Variants in CLMP observed in about 807,000 individuals in gnomAD.
The protein encoded by CLMP is CXADR-like membrane protein.
CLMP carries 27 observed loss-of-function variants against 45.2 expected under a neutral mutation model. The observed-to-expected ratio is 0.60, with a 90% CI of 0.44 to 0.82. The LOEUF (loss-of-function observed/expected upper bound fraction) is 0.82. Ranked by LOEUF, CLMP falls within the 40% of genes least tolerant of loss-of-function variation. CLMP has a pLI of 0.00. For synonymous variants in CLMP, 167 were observed against 171.4 expected, an observed-to-expected ratio of 0.97 and a Z score of 0.20; for missense variants, 403 against 448.4, an observed-to-expected ratio of 0.90 and a Z score of 0.91.
At chr11:123,092,928 G>A (rs1181636230) in intron 2 of CLMP, among the ~76,000 whole-genome samples, 2 of 131,028 alleles carry the variant, frequency 1.5e-5, no homozygotes, top group African/African-American at 3.0e-5. Flanking sequence ...TTTTTTTTGA[G>A]ATGTTGTCTC....
intron 1 of CLMP, among the ~76,000 whole-genome samples, chr11:123,143,528 G>A (rs1015069782): frequency 2.0e-5 from 3 of 151,774 alleles, no homozygotes; most frequent in African/African-American, 7.3e-5. Flanking sequence ...GGGCGGGGGG[G>A]GCATGAGACA....
chr11:123,147,330 A>G (rs7105909), intron 1 of CLMP, among the ~76,000 whole-genome samples: 66,323 of 152,024 alleles, frequency 0.44, 15,982 homozygotes, highest in African/African-American at 0.65. Flanking sequence ...TCCACCTGGA[A>G]AAACCTGTCC....
chr11:123,100,828 A>G lies in CLMP; in HGVS notation c.29-2876T>C, dbSNP rs1170256476. 2.6e-5 allele frequency among the ~76,000 whole-genome samples: 4 copies of G among 151,362 alleles called. No individual in the cohort carries two copies. The East Asian group carries it at 7.7e-4, about 29-fold the overall frequency. On this transcript the variant is annotated intron_variant, in intron 1 of 6. Coordinates refer to ENST00000448775, the MANE Select transcript of CLMP (RefSeq NM_024769.5). ...ACACTTTTTTTTTCCTCCCACTGAG[A>G]CAGGAAGTCAGGGCTTGGCATCCTC...
At chr11:123,116,992 T>C (rs1318705457) in intron 1 of CLMP, among the ~76,000 whole-genome samples, 1 of 152,180 alleles carries the variant, frequency 6.6e-6, no homozygotes, top group Non-Finnish European at 1.5e-5. Context: ...CTCACACCTG[T>C]AATCCCAGCA....
intron 1 of CLMP, among the ~76,000 whole-genome samples, chr11:123,159,534 G>A (rs1861457637): frequency 6.6e-6 from 1 of 152,214 alleles, no homozygotes; most frequent in African/African-American, 2.4e-5. Context: ...TTGGAGTCAA[G>A]GAATGCATAA....
At chr11:123,088,302 GA>G (rs1246998115) in intron 2 of CLMP, among the ~76,000 whole-genome samples, 1 of 152,148 alleles carries the variant, frequency 6.6e-6, no homozygotes, top group African/African-American at 2.4e-5. Context: ...TTCACAACAG[GA>G]AAAAACTGGA....
intron 1 of CLMP, among the ~76,000 whole-genome samples, chr11:123,174,520 G>A (rs1339034841): frequency 6.6e-6 from 1 of 152,104 alleles, no homozygotes; most frequent in Non-Finnish European, 1.5e-5. Flanking sequence ...GGGTCTCCTT[G>A]AGTTGTTTTG....
intron 1 of CLMP, among the ~76,000 whole-genome samples, chr11:123,109,827 A>T (rs1254878104): frequency 6.6e-6 from 1 of 152,216 alleles, no homozygotes; most frequent in Non-Finnish European, 1.5e-5. Flanking sequence ...ACTTTATACT[A>T]GCCAACCTAG....
chr11:123,149,767 T>TTTTC (rs373162321), intron 1 of CLMP, among the ~76,000 whole-genome samples: 51 of 143,432 alleles, frequency 3.6e-4, no homozygotes, highest in South Asian at 1.4e-3. Context: ...CCTCAAAAGG[T>TTTTC]TTTCTTTCTT....
At chr11:123,074,584 A>C in intron 6 of CLMP, 118 bp downstream of exon 6, 1 of 1,061,898 alleles carries the variant, frequency 9.4e-7, no homozygotes, top group South Asian at 1.5e-5. Flanking sequence ...ACCTACCAGG[A>C]TAATCCTTTT....
intron 1 of CLMP, among the ~76,000 whole-genome samples, chr11:123,193,554 G>A (rs527514819): frequency 3.3e-5 from 5 of 152,140 alleles, no homozygotes; most frequent in Non-Finnish European, 7.3e-5. Context: ...CTCCCCACCT[G>A]CCTTACTTGA....
rs865906556 is a variant in CLMP, at chr11:123,119,058, T to C, written c.29-21106A>G. ...CTCTCTCTCTCTCCCTCTCCCTCTC[T>C]CTCTCTCTCTCTCTCTCTCTCTCTC... On this transcript the variant is annotated intron_variant, in intron 1 of 6. Transcript: ENST00000448775. Among the ~76,000 whole-genome samples the C allele has an allele frequency of 1.3e-3, 59 of 43,764 alleles. 2 individuals carry two copies. Among genetic ancestry groups the C allele is most frequent in the Middle Eastern group, 9.1e-3 (1 of 110 alleles). 28.7% of individuals were successfully genotyped at this position (43,764 alleles called of 152,430 possible).
At chr11:123,078,124 A>G (rs572341761) in intron 5 of CLMP, among the ~76,000 whole-genome samples, 1 of 152,310 alleles carries the variant, frequency 6.6e-6, no homozygotes, top group South Asian at 2.1e-4. Context: ...AAGAAAAAAA[A>G]ATCATTATTT....
intron 1 of CLMP, among the ~76,000 whole-genome samples, chr11:123,150,487 GGA>G (rs1861309824): frequency 9.1e-6 from 1 of 110,336 alleles, no homozygotes. Context: ...AAGAAAGGAA[GGA>G]AGGAAGGAAG....
chr11:123,145,335 T>C (rs1442902016), intron 1 of CLMP, among the ~76,000 whole-genome samples: 6 of 152,112 alleles, frequency 3.9e-5, no homozygotes, highest in Non-Finnish European at 7.4e-5. Context: ...GGTTGAGAAC[T>C]ACTGCCCAAG....
intron 1 of CLMP, among the ~76,000 whole-genome samples, chr11:123,169,582 TA>T (rs1195925147): frequency 1.3e-5 from 2 of 152,152 alleles, no homozygotes; most frequent in Non-Finnish European, 1.5e-5. Flanking sequence ...ACTTCCCTCT[TA>T]CCCCATTTTT....
intron 1 of CLMP, chr11:123,191,420 T>C (rs1861906011): frequency 6.6e-6 from 1 of 152,224 alleles, no homozygotes; most frequent in Admixed American, 6.5e-5. Context: ...TACAGACCAA[T>C]GGACTATGCA....
chr11:123,071,401 T>A lies in CLMP; in HGVS notation c.*2073A>T, dbSNP rs1273443763. ...AGTGAGCCGAGATACGCCACTGCACTCCAGCCTGCGTGATGAGAGCAAGAC... is the reference window on the plus strand; with the variant it reads ...AGTGAGCCGAGATACGCCACTGCACACCAGCCTGCGTGATGAGAGCAAGAC... On this transcript the variant is annotated 3_prime_UTR_variant, in exon 7 of 7. Coordinates refer to ENST00000448775, the MANE Select transcript of CLMP (RefSeq NM_024769.5). 1.3e-5 allele frequency: 2 copies of A among 152,030 alleles called. No homozygotes were observed. Among genetic ancestry groups the A allele is most frequent in the African/African-American group, 4.8e-5 (2 of 41,352 alleles). 9.4% of individuals were successfully genotyped at this position (152,030 alleles called of 1,614,324 possible). A position where few individuals can be genotyped will look rare whatever the true frequency, so the allele number is the denominator to read the frequency against.
rs546183356 is a variant in CLMP at position 123,121,285 on chromosome 11, T to TTTTTG, written c.29-23338_29-23334dup. Among the ~76,000 whole-genome samples, 514 of 151,952 alleles carry TTTTTG rather than the reference T, an allele frequency of 3.4e-3. 5 individuals are homozygous for TTTTTG. The highest frequency in any genetic ancestry group is 0.011 in the African/African-American group (462 of 41,438). ...GAATTACTCCAGAGAAAAATTCTTG[T>TTTTTG]TTTTGTTTTGTTTTGTTTTGTTTTG... is the stretch of plus-strand genomic sequence containing the variant. On this transcript the variant is annotated intron_variant, in intron 1 of 6. Coordinates refer to ENST00000448775, the MANE Select transcript of CLMP (RefSeq NM_024769.5).
Sources: gnomAD v4.1 joint callset for allele counts (sites outside exome capture counted in the v4.1 genomes callset) on GRCh38, gnomAD v4.1.1 for gene constraint, MANE v1.5 for transcripts, NCBI Gene and HGNC (gene_info 2026-07-23, HGNC 2026-07-21) for gene names.